Variants in ARID1B observed in about 807,000 individuals in gnomAD.
ARID1B encodes AT-rich interactive domain-containing protein 1B.
Under a neutral mutation model 212.3 loss-of-function variants are expected in ARID1B, and 30 were observed. The ratio of observed to expected loss-of-function variants is 0.14; its 90% CI spans 0.11 to 0.19. ARID1B has a LOEUF of 0.19. Ranked by LOEUF, ARID1B falls within the 10% of genes least tolerant of loss-of-function variation. The pLI is 1.00. For missense variants in ARID1B, 2,891 were observed against 3,204.0 expected, an observed-to-expected ratio of 0.90 and a Z score of 2.36; for synonymous variants, 1,402 against 1,301.7, an observed-to-expected ratio of 1.08 and a Z score of -1.66.
intron 4 of ARID1B, among the ~76,000 whole-genome samples, chr6:157,055,767 G>C (rs1782920030): frequency 6.6e-6 from 1 of 152,168 alleles, no homozygotes; most frequent in African/African-American, 2.4e-5. Flanking sequence ...ATAAGGTATT[G>C]TCAGGGCTGT....
intron 4 of ARID1B, among the ~76,000 whole-genome samples, chr6:157,061,824 A>G (rs1203564527): frequency 6.6e-6 from 1 of 152,238 alleles, no homozygotes; most frequent in African/African-American, 2.4e-5. Flanking sequence ...TTTTCACAGC[A>G]TAAAAAAGCC....
intron 4 of ARID1B, among the ~76,000 whole-genome samples, chr6:156,944,634 G>C (rs757601225): frequency 1.3e-5 from 2 of 152,232 alleles, no homozygotes; most frequent in Admixed American, 6.5e-5. Context: ...TCTGAACCAA[G>C]TTGATCATGT....
intron 4 of ARID1B, among the ~76,000 whole-genome samples, chr6:157,006,006 C>T (rs917743188): frequency 2.6e-5 from 4 of 152,026 alleles, no homozygotes; most frequent in Admixed American, 1.3e-4. Flanking sequence ...TTCCCTTGCC[C>T]TTCCTTCTAT....
At chr6:156,962,796 C>T (rs1299319274) in intron 4 of ARID1B, among the ~76,000 whole-genome samples, 2 of 151,428 alleles carry the variant, frequency 1.3e-5, no homozygotes, top group Non-Finnish European at 2.9e-5. Flanking sequence ...TTCTTTCTTT[C>T]TTTTTGAGAT....
chr6:157,014,028 T>C (rs1000628148), intron 4 of ARID1B, among the ~76,000 whole-genome samples: 2 of 152,220 alleles, frequency 1.3e-5, no homozygotes, highest in African/African-American at 4.8e-5. Flanking sequence ...TTGTTTTTGG[T>C]GACTCAGCGT....
At chr6:156,860,070 A>C (rs932829922) in intron 2 of ARID1B, among the ~76,000 whole-genome samples, 2 of 152,252 alleles carry the variant, frequency 1.3e-5, no homozygotes, top group African/African-American at 4.8e-5. Context: ...TTGTTAGTGG[A>C]TAAGTCCATT....
At chr6:156,893,877 A>G (rs1562465412) in intron 2 of ARID1B, among the ~76,000 whole-genome samples, 2 of 152,242 alleles carry the variant, frequency 1.3e-5, no homozygotes, top group Non-Finnish European at 2.9e-5. Flanking sequence ...GAGAAGCAGT[A>G]TGATAGTTCT....
At chr6:157,196,405 C>G (rs1793730647) in intron 16 of ARID1B, 90 bp downstream of exon 16, 1 of 1,464,904 alleles carries the variant, frequency 6.8e-7, no homozygotes. Flanking sequence ...AGCTGAGCCA[C>G]TGATGACAAT....
intron 5 of ARID1B, among the ~76,000 whole-genome samples, chr6:157,089,415 A>G (rs1198939322): frequency 1.3e-5 from 2 of 152,126 alleles, no homozygotes; most frequent in South Asian, 2.1e-4. Context: ...CTACTGTGAT[A>G]CACTGGTACA....
rs1419777244 is a variant in ARID1B at position 156,955,825 on chromosome 6, C to A, written c.2247+20249C>A. 6.6e-6 allele frequency among the ~76,000 whole-genome samples: 1 copy of A among 152,168 alleles called. No individual in the cohort carries two copies. Among genetic ancestry groups the A allele is most frequent in the Non-Finnish European group, 1.5e-5 (1 of 68,026 alleles). On this transcript the variant is annotated intron_variant, in intron 4 of 19. Coordinates refer to ENST00000636930, the MANE Select transcript of ARID1B (RefSeq NM_001374828.1). The surrounding 1 kb of genome is among the most constrained non-coding windows in gnomAD (Gnocchi z 4.2). ...TCTTAGAAATGAAGTAGCCCCATTT[C>A]AGGGGCCTAAGATTTTAGGGAGGAG...
At chr6:157,078,152 A>T (rs929808319) in intron 4 of ARID1B, among the ~76,000 whole-genome samples, 4 of 152,162 alleles carry the variant, frequency 2.6e-5, no homozygotes, top group African/African-American at 7.2e-5. Flanking sequence ...ACTGGTAGGA[A>T]CAATGAAATG....
intron 4 of ARID1B, among the ~76,000 whole-genome samples, chr6:156,945,909 C>T (rs1426974302): frequency 6.6e-6 from 1 of 151,442 alleles, no homozygotes; most frequent in African/African-American, 2.4e-5. Flanking sequence ...TTTGTGAGGC[C>T]GATGTGGGAG....
chr6:156,776,073 T>C (rs1778608461), upstream of ARID1B, among the ~76,000 whole-genome samples: 2 of 152,200 alleles, frequency 1.3e-5, no homozygotes, highest in Non-Finnish European at 1.5e-5. Context: ...AAAATAGTTT[T>C]TATGGAAAGC....
At chr6:157,170,681 G>T (rs902785485) in intron 9 of ARID1B, among the ~76,000 whole-genome samples, 1 of 152,200 alleles carries the variant, frequency 6.6e-6, no homozygotes, top group East Asian at 1.9e-4. Flanking sequence ...TGTCCTGGGG[G>T]TGGCCACAGT....
In ARID1B at chr6:156,829,222, C is replaced by G. The variant is rs745479353; in HGVS notation, c.1792-5C>G. The G allele has an allele frequency of 6.2e-7, 1 of 1,606,614 alleles. No individual in the cohort carries two copies. The highest frequency in any genetic ancestry group is 8.5e-7 in the Non-Finnish European group (1 of 1,175,464). On this transcript the variant is annotated splice_polypyrimidine_tract_variant and splice_region_variant and intron_variant, in intron 1 of 19. Transcript: ENST00000636930. Reference sequence around the variant, plus strand: ...AATAAACCGACTTCTTTTATGTCTTCACAGGGCAGCCCAATGGATCCAATG... The same window carrying G: ...AATAAACCGACTTCTTTTATGTCTTGACAGGGCAGCCCAATGGATCCAATG...
rs565443935 is a variant in ARID1B at position 157,161,640 on chromosome 6, A to G, written c.3090-5400A>G. 3.9e-5 allele frequency among the ~76,000 whole-genome samples: 6 copies of G among 152,262 alleles called. No individual in the cohort carries two copies. In the South Asian group the frequency reaches 1.2e-3, roughly 32 times the overall value. On this transcript the variant is annotated intron_variant, in intron 8 of 19. Transcript: ENST00000636930. Reference sequence around the variant, plus strand: ...TTTGTGTTTATAAAACATTTTTTATAGGGCATCCTGTGTAATGTTAATGTA... The same window carrying G: ...TTTGTGTTTATAAAACATTTTTTATGGGGCATCCTGTGTAATGTTAATGTA...
At chr6:156,989,314 G>A (rs11961918) in intron 4 of ARID1B, among the ~76,000 whole-genome samples, 7,297 of 152,192 alleles carry the variant, frequency 0.048, 574 homozygotes, top group African/African-American at 0.17. Flanking sequence ...ACAAAGGATC[G>A]TCTTATGTCC....
chr6:156,791,705 G>A (rs1340297587), intron 1 of ARID1B, among the ~76,000 whole-genome samples: 1 of 152,222 alleles, frequency 6.6e-6, no homozygotes, highest in East Asian at 1.9e-4. Context: ...GCGTGTACAG[G>A]CAGGCAAGCT....
At position 157,174,842 on chromosome 6, in the gene ARID1B, C is replaced by T; in HGVS notation, c.3346-5C>T. The stretch of plus-strand genomic sequence containing the variant: ...ATTTTTTTTTTTTTTATTCCTCTAC[C>T]ACAGGATAGCTACAGCTCTCAGGGT... On this transcript the variant is annotated splice_region_variant and splice_polypyrimidine_tract_variant and intron_variant, in intron 10 of 19. Transcript: ENST00000636930. 3 of 1,513,610 alleles carry T rather than the reference C, an allele frequency of 2.0e-6. No individual in the cohort carries two copies. The highest frequency in any genetic ancestry group is 1.4e-5 in the African/African-American group (1 of 69,064). 93.8% of individuals were successfully genotyped at this position (1,513,610 alleles called of 1,614,324 possible). A position where few individuals can be genotyped will look rare whatever the true frequency, so the allele number is the denominator to read the frequency against.
Sources: gnomAD v4.1 joint callset for allele counts (sites outside exome capture counted in the v4.1 genomes callset) on GRCh38, gnomAD v4.1.1 for gene constraint, Gnocchi (gnomAD v3.1) non-coding constraint, MANE v1.5 for transcripts, NCBI Gene and HGNC (gene_info 2026-07-23, HGNC 2026-07-21) for gene names.